CTBS: variants seen among roughly 807,000 people sequenced by gnomAD.
CTBS encodes chitobiase.
Under a neutral mutation model 44.3 loss-of-function variants are expected in CTBS, and 35 were observed. The ratio of observed to expected loss-of-function variants is 0.79; its 90% CI spans 0.60 to 1.05. The LOEUF is 1.05. Ranked by LOEUF, CTBS falls within the 50% of genes least tolerant of loss-of-function variation. CTBS has a pLI of 0.00. For synonymous variants in CTBS, 143 were observed against 168.0 expected, an observed-to-expected ratio of 0.85 and a Z score of 1.15; for missense variants, 458 against 475.3, an observed-to-expected ratio of 0.96 and a Z score of 0.34.
intron 3 of CTBS, among the ~76,000 whole-genome samples, chr1:84,567,965 T>C (rs1374617334): frequency 6.6e-6 from 1 of 152,198 alleles, no homozygotes; most frequent in African/African-American, 2.4e-5. Flanking sequence ...TTTTACATAC[T>C]CCTACAGAAT....
Position 84,553,251 on chromosome 1 carries a change from T to C in CTBS, c.*1748A>G. On this transcript the variant is annotated 3_prime_UTR_variant, in exon 7 of 7. Coordinates refer to ENST00000370630, the MANE Select transcript of CTBS (RefSeq NM_004388.3). ...AAGGTTTCTCTTTCTCCACTTTCCA[T>C]GTGGGTATTACAAAATGTTTCAGGA... 2 of 556,322 alleles carry C rather than the reference T, an allele frequency of 3.6e-6. No individual in the cohort carries two copies. Among genetic ancestry groups the C allele is most frequent in the Non-Finnish European group, 6.2e-6 (2 of 320,784 alleles). The allele number at this position is 556,322 out of a possible 1,614,324, so 34.5% of individuals were successfully genotyped here.
rs1558631837 is a variant in CTBS, at chr1:84,570,111, A to T, written c.345T>A (p.Asp115Glu). Residue 115 changes from aspartate to glutamate, a missense_variant, in exon 3 of 7, where the codon GAT becomes GAA. Asp to Glu is a conservative substitution (Grantham distance 45, BLOSUM62 2). Transcript: ENST00000370630. ...CTATCCAGGATGCTCTGAAAGCAGG[A>T]TCAATGATATCCTTTAAGGATACAT... ...KGDVSLKDII[D>E]PAFRASWIAQ... 6.2e-7 allele frequency: 1 copy of T among 1,613,300 alleles called. No individual in the cohort carries two copies. Among genetic ancestry groups the T allele is most frequent in the Middle Eastern group, 1.7e-4 (1 of 6,020 alleles).
intron 1 of CTBS, 41 bp downstream of exon 1, chr1:84,574,198 C>T (rs1183660697): frequency 6.3e-7 from 1 of 1,588,540 alleles, no homozygotes; most frequent in Admixed American, 1.8e-5. Flanking sequence ...TCTCTTCGTG[C>T]CCTGAAGCCC....
In CTBS at chr1:84,554,232, G is replaced by A. The variant is rs1188244974; in HGVS notation, c.*767C>T. ...TAAATGAAGAAATGAATAATTAGAA[G>A]TGTGACAGTGAACAGAATCAAGTTC... On this transcript the variant is annotated 3_prime_UTR_variant, in exon 7 of 7. Coordinates refer to ENST00000370630, the MANE Select transcript of CTBS (RefSeq NM_004388.3). 1.3e-5 allele frequency: 2 copies of A among 149,224 alleles called. No homozygotes were observed. The highest frequency in any genetic ancestry group is 1.3e-4 in the Admixed American group (2 of 15,100). 9.2% of individuals were successfully genotyped at this position (149,224 alleles called of 1,614,324 possible).
intron 6 of CTBS, among the ~76,000 whole-genome samples, chr1:84,556,787 T>C (rs1206389194): frequency 6.6e-6 from 1 of 150,794 alleles, no homozygotes; most frequent in Non-Finnish European, 1.5e-5. Context: ...CATATTTAAA[T>C]ATGGTAGACT....
chr1:84,551,109 C>T lies in CTBS; in HGVS notation c.*3890G>A. The T allele has an allele frequency of 1.0e-6, 1 of 985,218 alleles. No homozygotes were observed. Among genetic ancestry groups the T allele is most frequent in the Non-Finnish European group, 1.2e-6 (1 of 829,832 alleles). 61.0% of individuals were successfully genotyped at this position (985,218 alleles called of 1,614,324 possible). The stretch of plus-strand genomic sequence containing the variant: ...GGTGAGAATTGTGTACAACTAATTA[C>T]ATCATAGAAATTATCTGTGAAGTAC... On this transcript the variant is annotated 3_prime_UTR_variant, in exon 7 of 7. Transcript: ENST00000370630.
In CTBS at chr1:84,554,928, T is replaced by A; in HGVS notation, c.*71A>T. On this transcript the variant is annotated 3_prime_UTR_variant, in exon 7 of 7. Transcript: ENST00000370630. ...ATAACAAAAGTATATAGCAACATAA[T>A]AAAAATGCAAGAAACTAGATCTGTT... is the stretch of plus-strand genomic sequence containing the variant. 8.1e-7 allele frequency: 1 copy of A among 1,233,608 alleles called. No homozygotes were observed. The highest frequency in any genetic ancestry group is 1.2e-6 in the Non-Finnish European group (1 of 869,350). The allele number at this position is 1,233,608 out of a possible 1,614,324, so 76.4% of individuals were successfully genotyped here. A position where few individuals can be genotyped will look rare whatever the true frequency, so the allele number is the denominator to read the frequency against.
chr1:84,570,207 C>T, intron 2 of CTBS, 68 bp from the exon 3 acceptor site: 2 of 1,351,710 alleles, frequency 1.5e-6, no homozygotes, highest in Non-Finnish European at 2.1e-6. Context: ...AAGACTAAGC[C>T]CTTAACTGAA....
At chr1:84,558,176 G>A (rs1056386908) in intron 6 of CTBS, among the ~76,000 whole-genome samples, 1 of 152,064 alleles carries the variant, frequency 6.6e-6, no homozygotes, top group Non-Finnish European at 1.5e-5. Flanking sequence ...TTTAAAAAAT[G>A]GTATGTGAGG....
In CTBS at chr1:84,570,151, G is replaced by A. The variant is rs1348161702; in HGVS notation, c.317-12C>T. 6.2e-6 allele frequency: 10 copies of A among 1,600,794 alleles called. No homozygotes were observed. The highest frequency in any genetic ancestry group is 6.8e-6 in the Non-Finnish European group (8 of 1,173,364). ...TAAGGATACATCTCCTGTGGAAGAA[G>A]TATATATCTTTTGAACATGTATGCA... is the stretch of plus-strand genomic sequence containing the variant. On this transcript the variant is annotated splice_polypyrimidine_tract_variant and intron_variant, in intron 2 of 6. Coordinates refer to ENST00000370630, the MANE Select transcript of CTBS (RefSeq NM_004388.3).
chr1:84,554,935 G>A lies in CTBS; in HGVS notation c.*64C>T, dbSNP rs1684384474. On this transcript the variant is annotated 3_prime_UTR_variant, in exon 7 of 7. Coordinates refer to ENST00000370630, the MANE Select transcript of CTBS (RefSeq NM_004388.3). ...AAGTATATAGCAACATAATAAAAATGCAAGAAACTAGATCTGTTGATACAG... is the reference window on the plus strand; with the variant it reads ...AAGTATATAGCAACATAATAAAAATACAAGAAACTAGATCTGTTGATACAG... 1.4e-5 allele frequency: 18 copies of A among 1,274,776 alleles called. No homozygotes were observed. Among genetic ancestry groups the A allele is most frequent in the Non-Finnish European group, 1.9e-5 (17 of 904,342 alleles). 79.0% of individuals were successfully genotyped at this position (1,274,776 alleles called of 1,614,324 possible).
Position 84,555,163 on chromosome 1 carries a change from T to C in CTBS, c.994A>G (p.Asn332Asp), listed in dbSNP as rs1383791120. Residue 332 changes from asparagine (N) to aspartate (D), a missense_variant, in exon 7 of 7, where the codon AAC (asparagine) becomes GAC (aspartate). Asn to Asp is a conservative substitution (Grantham distance 23). Transcript: ENST00000370630. Reference sequence around the variant, plus strand: ...GCCTTTAAAGAAATACTCTGAGGGTTATCATACCATACTTGATGAAAGTGG... The same window carrying C: ...GCCTTTAAAGAAATACTCTGAGGGTCATCATACCATACTTGATGAAAGTGG... ...AGHFHQVWYD[N>D]PQSISLKATY... 4 of 1,613,814 alleles carry C rather than the reference T, an allele frequency of 2.5e-6. No homozygotes were observed. The highest frequency in any genetic ancestry group is 3.4e-6 in the Non-Finnish European group (4 of 1,179,906).
At chr1:84,557,815 G>A (rs1328451320) in intron 6 of CTBS, among the ~76,000 whole-genome samples, 2 of 149,508 alleles carry the variant, frequency 1.3e-5, no homozygotes, top group African/African-American at 5.0e-5. Flanking sequence ...CCAAGATCGC[G>A]CCACTGCACA....
Position 84,550,531 on chromosome 1 carries a change from G to A in CTBS, c.*4468C>T. 6.6e-7 allele frequency: 1 copy of A among 1,520,518 alleles called. No homozygotes were observed. Among genetic ancestry groups the A allele is most frequent in the Non-Finnish European group, 8.8e-7 (1 of 1,132,262 alleles). 94.2% of individuals were successfully genotyped at this position (1,520,518 alleles called of 1,614,324 possible). ...AATGAAACTCATAGTAGAAGTTAAGGTAATTTACATTTTTCCTAATCAGAT... is the reference window on the plus strand; with the variant it reads ...AATGAAACTCATAGTAGAAGTTAAGATAATTTACATTTTTCCTAATCAGAT... On this transcript the variant is annotated 3_prime_UTR_variant, in exon 7 of 7. Coordinates refer to ENST00000370630, the MANE Select transcript of CTBS (RefSeq NM_004388.3).
At position 84,552,851 on chromosome 1, in the gene CTBS, G is replaced by T; in HGVS notation, c.*2148C>A. 1.9e-6 allele frequency: 1 copy of T among 514,028 alleles called. No individual in the cohort carries two copies. 31.8% of individuals were successfully genotyped at this position (514,028 alleles called of 1,614,324 possible). Reference sequence around the variant, plus strand: ...GCATATCTCACCAGTAGATAAGCATGCTTATTAAACAGCATTCATAATCTA... The same window carrying T: ...GCATATCTCACCAGTAGATAAGCATTCTTATTAAACAGCATTCATAATCTA... On this transcript the variant is annotated 3_prime_UTR_variant, in exon 7 of 7. Transcript: ENST00000370630.
intron 1 of CTBS, chr1:84,573,818 G>T: frequency 1.1e-6 from 1 of 942,502 alleles, no homozygotes; most frequent in Non-Finnish European, 1.3e-6. Flanking sequence ...GAAAACTAAA[G>T]GTAAGCAAAA....
chr1:84,557,988 C>G (rs1246617163), intron 6 of CTBS, among the ~76,000 whole-genome samples: 1 of 151,642 alleles, frequency 6.6e-6, no homozygotes, highest in African/African-American at 2.4e-5. Flanking sequence ...TTCATAGAAA[C>G]AGAGTAAAAA....
chr1:84,573,962 G>A (rs1424136499), intron 1 of CTBS: 5 of 1,340,324 alleles, frequency 3.7e-6, no homozygotes, highest in Non-Finnish European at 4.8e-6. Context: ...GGCACAGCAG[G>A]GGAATGAAAG....
Position 84,570,095 on chromosome 1 carries a change from A to C in CTBS, c.361T>G (p.Ser121Ala), listed in dbSNP as rs139744148. ...KDIIDPAFRA[S>A]WIAQKLNLAK... is the part of the protein sequence containing the mutation. ...AAATTAAGTTTTTGAGCTATCCAGG[A>C]TGCTCTGAAAGCAGGATCAATGATA... The change falls in exon 3 of 7, where the codon TCC (serine) becomes GCC (alanine). Residue 121 changes from serine to alanine, a missense_variant. By Grantham distance (99) the Ser-to-Ala change is moderately conservative. Transcript: ENST00000370630. 213 of 1,613,590 alleles carry C rather than the reference A, an allele frequency of 1.3e-4. 1 individual carries two copies. The East Asian group carries it at 4.5e-3, about 34-fold the overall frequency.
Sources: gnomAD v4.1 joint callset for allele counts (sites outside exome capture counted in the v4.1 genomes callset) on GRCh38, gnomAD v4.1.1 for gene constraint, MANE v1.5 for transcripts, NCBI Gene and HGNC (gene_info 2026-07-23, HGNC 2026-07-21) for gene names.